The following CSGALNACT1 variants were observed in gnomAD, a reference collection of about 807,000 sequenced individuals.
CSGALNACT1 encodes the protein beta4GalNAcT-1.
CSGALNACT1 carries 52 observed loss-of-function variants against 51.0 expected under a neutral mutation model. The ratio of observed to expected loss-of-function variants is 1.02; its 90% CI spans 0.82 to 1.29. The LOEUF (loss-of-function observed/expected upper bound fraction) is 1.29, where lower values mean the gene tolerates loss of function less well. Ranked by LOEUF, CSGALNACT1 falls within the 50% of genes most tolerant of loss-of-function variation. The pLI, the probability that CSGALNACT1 is intolerant of heterozygous loss-of-function variation, is 0.00. For synonymous variants in CSGALNACT1, 341 were observed against 254.4 expected (o/e 1.34, Z -3.24); for missense variants, 935 against 679.2 (o/e 1.38, Z -4.19).
At chr8:19,623,172 A>G (rs1012537003) in intron 1 of CSGALNACT1, among the ~76,000 whole-genome samples, 4 of 152,254 alleles carry the variant, frequency 2.6e-5, no homozygotes, top group African/African-American at 9.6e-5. Flanking sequence ...AGCTTAATCA[A>G]ACTAGACTTT....
At chr8:19,650,045 C>T in intron 1 of CSGALNACT1, among the ~76,000 whole-genome samples, 1 of 152,044 alleles carries the variant, frequency 6.6e-6, no homozygotes, top group Admixed American at 6.6e-5. Flanking sequence ...CAAAACAGTA[C>T]TTCCCAAACT....
At chr8:19,408,590 G>A (rs886698743) in intron 9 of CSGALNACT1, 23 bp downstream of exon 8, 14 of 1,601,524 alleles carry the variant, frequency 8.7e-6, no homozygotes, top group African/African-American at 1.4e-5. Flanking sequence ...CTGGGTGGCA[G>A]TAGAGATGCA....
intron 2 of CSGALNACT1, among the ~76,000 whole-genome samples, chr8:19,598,242 C>G (rs1477945181): frequency 6.6e-6 from 1 of 152,208 alleles, no homozygotes; most frequent in Non-Finnish European, 1.5e-5. Context: ...TAAAAACCTA[C>G]TGGAAGGCAT....
At chr8:19,407,666 C>A (rs1016797032) in intron 9 of CSGALNACT1, among the ~76,000 whole-genome samples, 1 of 152,154 alleles carries the variant, frequency 6.6e-6, no homozygotes, top group African/African-American at 2.4e-5. Context: ...GTCTCCTCAC[C>A]TAGATCCCAA....
At chr8:19,424,399 A>T (rs966650561) in intron 6 of CSGALNACT1, among the ~76,000 whole-genome samples, 1 of 152,114 alleles carries the variant, frequency 6.6e-6, no homozygotes, top group Non-Finnish European at 1.5e-5. Flanking sequence ...TAAACCAGTG[A>T]TCTGAAAGAA....
chr8:19,625,912 A>T (rs2054390579), intron 1 of CSGALNACT1, among the ~76,000 whole-genome samples: 2 of 152,194 alleles, frequency 1.3e-5, no homozygotes, highest in Admixed American at 6.5e-5. Flanking sequence ...AAATGTTGCA[A>T]TCAGGCTAAA....
At chr8:19,533,120 TG>T (rs1188601111) in intron 3 of CSGALNACT1, among the ~76,000 whole-genome samples, 1 of 152,126 alleles carries the variant, frequency 6.6e-6, no homozygotes, top group South Asian at 2.1e-4. Flanking sequence ...TTTTTGTTTT[TG>T]TTTTTGTTTT....
chr8:19,555,971 C>T (rs2089610656), intron 3 of CSGALNACT1, among the ~76,000 whole-genome samples: 1 of 152,110 alleles, frequency 6.6e-6, no homozygotes, highest in Non-Finnish European at 1.5e-5. Flanking sequence ...TTAAAACAGC[C>T]ATCAGGAACC....
At chr8:19,701,764 C>T (rs1282783128) in intron 1 of CSGALNACT1, among the ~76,000 whole-genome samples, 2 of 152,158 alleles carry the variant, frequency 1.3e-5, no homozygotes, top group Non-Finnish European at 2.9e-5. Context: ...AAGTAATTTA[C>T]CCAAGATCTT....
chr8:19,676,351 G>C (rs1359506352), intron 1 of CSGALNACT1, among the ~76,000 whole-genome samples: 1 of 152,066 alleles, frequency 6.6e-6, no homozygotes. Flanking sequence ...TGGAAAGCTG[G>C]GCATTCCCAG....
At position 19,644,031 on chromosome 8, in the gene CSGALNACT1, T is replaced by C. The variant is rs141921054; in HGVS notation, c.-544+38442A>G. On this transcript the variant is annotated intron_variant, in intron 1 of 9. Coordinates refer to the CSGALNACT1 transcript ENST00000332246. ...AGGAGCATTGTTCATAAAATTGTAA[T>C]TTACATGCCTAACATTGGAGAATGC... 3.0e-3 allele frequency among the ~76,000 whole-genome samples: 453 copies of C among 152,354 alleles called. 3 individuals are homozygous for C. In the Middle Eastern group the frequency reaches 0.034, roughly 11 times the overall value.
chr8:19,543,801 TA>T (rs1299380474), intron 3 of CSGALNACT1, among the ~76,000 whole-genome samples: 5 of 152,356 alleles, frequency 3.3e-5, no homozygotes, highest in Admixed American at 3.3e-4. Flanking sequence ...TAAGTGCAAC[TA>T]AATGCTGATC....
In CSGALNACT1 at chr8:19,733,281, T is replaced by C. The variant is rs541955599; in HGVS notation, c.-297+24569A>G. 4.6e-5 allele frequency among the ~76,000 whole-genome samples: 7 copies of C among 152,344 alleles called. No individual in the cohort carries two copies. The East Asian group carries it at 1.3e-3, about 29-fold the overall frequency. On this transcript the variant is annotated intron_variant, in intron 1 of 1. Transcript: ENST00000517494. ...CAAGTTCACATTTTATAAAGCACTC[T>C]TGTCAATTTGGAACTTGCTCCTTGT... is the stretch of plus-strand genomic sequence containing the variant.
At chr8:19,513,440 A>G (rs201479979) in intron 3 of CSGALNACT1, among the ~76,000 whole-genome samples, 2 of 73,200 alleles carry the variant, frequency 2.7e-5, no homozygotes, top group African/African-American at 6.0e-5. Flanking sequence ...CTCTCTCTAT[A>G]TATATATATA....
chr8:19,682,504 T>G, exon 1 of CSGALNACT1: 1 of 382,052 alleles, frequency 2.6e-6, no homozygotes, highest in South Asian at 1.9e-5. Context: ...TGACACCTGT[T>G]GTCACCCCTG....
chr8:19,438,219 A>T (rs2060709254), intron 6 of CSGALNACT1, among the ~76,000 whole-genome samples: 1 of 152,092 alleles, frequency 6.6e-6, no homozygotes, highest in Admixed American at 6.5e-5. Context: ...AGCTGGCTGC[A>T]CTTAAGGGAG....
At chr8:19,658,595 A>C (rs2058493534) in intron 1 of CSGALNACT1, among the ~76,000 whole-genome samples, 1 of 152,112 alleles carries the variant, frequency 6.6e-6, no homozygotes, top group African/African-American at 2.4e-5. Context: ...TTAGCTGTGC[A>C]TGGTGGTGCA....
At chr8:19,457,717 C>G in intron 5 of CSGALNACT1, 1 of 1,338,772 alleles carries the variant, frequency 7.5e-7, no homozygotes, top group Non-Finnish European at 9.9e-7. Context: ...AGCTGGTTAT[C>G]CTCAGCCAAT....
intron 6 of CSGALNACT1, among the ~76,000 whole-genome samples, chr8:19,425,131 T>A (rs1481377068): frequency 6.6e-6 from 1 of 152,090 alleles, no homozygotes; most frequent in East Asian, 1.9e-4. Flanking sequence ...TCACTTGAGG[T>A]CAGGAGTTCG....
Sources: allele counts gnomAD v4.1 joint callset (sites outside exome capture counted in the v4.1 genomes callset), GRCh38; gene constraint gnomAD v4.1.1; transcripts MANE v1.5; gene names NCBI Gene and HGNC (gene_info 2026-07-23, HGNC 2026-07-21).